The following RPS6KC1 variants were observed in gnomAD, a reference collection of about 807,000 sequenced individuals.
RPS6KC1 encodes the protein ribosomal protein S6 kinase C1, also known as inactive ribosomal protein S6 kinase delta-1.
A neutral mutation model predicts 103.8 loss-of-function variants in RPS6KC1; 54 were observed. The observed-to-expected ratio is 0.52, with a 90% CI of 0.42 to 0.65. RPS6KC1 has a LOEUF of 0.65. RPS6KC1 is among the 30% of genes least tolerant of loss of function. The pLI is 0.00. For missense variants in RPS6KC1, 1,151 were observed against 1,253.8 expected, an observed-to-expected ratio of 0.92 and a Z score of 1.24; for synonymous variants, 439 against 438.7, an observed-to-expected ratio of 1.00 and a Z score of -0.01.
the RPS6KC1 span, among the ~76,000 whole-genome samples, chr1:213,602,120 C>CTTTCTTTCTTTGTTCTT: frequency 3.9e-4 from 2 of 5,156 alleles, 1 homozygote; most frequent in Non-Finnish European, 7.5e-4. Flanking sequence ...TTCTTTCTTT[C>CTTTCTTTCTTTGTTCTT]TCTTTCTTTC....
the RPS6KC1 span, among the ~76,000 whole-genome samples, chr1:213,657,346 GT>G: frequency 2.0e-5 from 3 of 152,132 alleles, no homozygotes; most frequent in Non-Finnish European, 4.4e-5. Context: ...TTTCAAGTGT[GT>G]AAGGAACATA....
chr1:213,097,951 A>T (rs2081615829), intron 3 of RPS6KC1, among the ~76,000 whole-genome samples: 1 of 152,102 alleles, frequency 6.6e-6, no homozygotes, highest in African/African-American at 2.4e-5. Context: ...GGTTTAAGGG[A>T]ATGTTGGGGC....
chr1:213,115,660 G>A (rs1420496489), intron 4 of RPS6KC1, among the ~76,000 whole-genome samples: 4 of 151,362 alleles, frequency 2.6e-5, no homozygotes, highest in South Asian at 2.1e-4. Context: ...TGTCAATTTT[G>A]GATCTTTCCT....
chr1:213,789,645 G>T, the RPS6KC1 span, among the ~76,000 whole-genome samples: 5 of 152,234 alleles, frequency 3.3e-5, no homozygotes, highest in South Asian at 8.3e-4. Context: ...GGACAAAATT[G>T]CATCCCTTAA....
chr1:213,665,292 G>T, the RPS6KC1 span, among the ~76,000 whole-genome samples: 1 of 151,684 alleles, frequency 6.6e-6, no homozygotes, highest in Non-Finnish European at 1.5e-5. Context: ...AGACAAAGAG[G>T]TTAAGATCCT....
chr1:213,289,022 G>C, the RPS6KC1 span, among the ~76,000 whole-genome samples: 2 of 152,074 alleles, frequency 1.3e-5, no homozygotes, highest in Non-Finnish European at 2.9e-5. Context: ...AGCGCATCCT[G>C]CTCTGAACTT....
At chr1:213,260,229 C>A (rs538346733) in intron 12 of RPS6KC1, among the ~76,000 whole-genome samples, 25 of 152,246 alleles carry the variant, frequency 1.6e-4, no homozygotes, top group Non-Finnish European at 3.4e-4. Context: ...TATCTGGTTT[C>A]TTTTTACTAC....
the RPS6KC1 span, among the ~76,000 whole-genome samples, chr1:213,365,215 A>G: frequency 6.6e-6 from 1 of 152,206 alleles, no homozygotes; most frequent in East Asian, 1.9e-4. Context: ...AAACCTTTGT[A>G]TTTATCATTA....
intron 14 of RPS6KC1, among the ~76,000 whole-genome samples, chr1:213,266,894 G>T (rs924155136): frequency 6.9e-6 from 1 of 145,724 alleles, no homozygotes; most frequent in African/African-American, 2.5e-5. Context: ...CAATATTGAG[G>T]CTCCGTCTCA....
the RPS6KC1 span, among the ~76,000 whole-genome samples, chr1:213,568,160 G>T: frequency 2.6e-5 from 4 of 152,202 alleles, no homozygotes; most frequent in East Asian, 5.8e-4. Context: ...TCTGAAAAAT[G>T]ATGAGCCTTC....
At chr1:213,382,113 T>C in the RPS6KC1 span, among the ~76,000 whole-genome samples, 1 of 152,138 alleles carries the variant, frequency 6.6e-6, no homozygotes, top group Non-Finnish European at 1.5e-5. Context: ...GCTAGAACAA[T>C]ATCGCCAGCT....
At position 213,117,418 on chromosome 1, in the gene RPS6KC1, AT is replaced by A. The variant is rs1558352473; in HGVS notation, c.472+12del. The A allele has an allele frequency of 6.4e-7, 1 of 1,561,086 alleles. No homozygotes were observed. The highest frequency in any genetic ancestry group is 8.8e-7 in the Non-Finnish European group (1 of 1,139,006). The stretch of plus-strand genomic sequence containing the variant: ...CTGAGTGTAGTACGGAAGGTAAGAG[AT>A]TTTAATTTTTTTGCATTTCAAAGGT... On this transcript the variant is annotated intron_variant, in intron 5 of 14. Transcript: ENST00000366960.
chr1:213,190,354 G>A (rs930279766), intron 8 of RPS6KC1, among the ~76,000 whole-genome samples: 3 of 152,108 alleles, frequency 2.0e-5, no homozygotes, highest in Admixed American at 2.0e-4. Context: ...TTTAACTGGG[G>A]TGAGATGATG....
the RPS6KC1 span, among the ~76,000 whole-genome samples, chr1:213,284,968 A>G: frequency 3.1e-4 from 47 of 152,330 alleles, no homozygotes; most frequent in African/African-American, 1.1e-3. Context: ...ATCCAGCAAA[A>G]CTGACTTTTA....
the RPS6KC1 span, among the ~76,000 whole-genome samples, chr1:213,594,722 C>T: frequency 3.1e-3 from 469 of 152,282 alleles, 3 homozygotes; most frequent in African/African-American, 0.011. Context: ...ATGTAATCTT[C>T]AAAACAAGAT....
At chr1:213,824,094 C>T in the RPS6KC1 span, among the ~76,000 whole-genome samples, 99 of 152,284 alleles carry the variant, frequency 6.5e-4, no homozygotes, top group Admixed American at 1.1e-3. Flanking sequence ...CTGAAAATCC[C>T]ATAAAGACAA....
the RPS6KC1 span, among the ~76,000 whole-genome samples, chr1:213,280,653 ATG>A: frequency 2.0e-5 from 3 of 152,138 alleles, no homozygotes; most frequent in South Asian, 6.2e-4. Flanking sequence ...GTGAAATTAG[ATG>A]TTTGCTGAAG....
At chr1:213,753,365 G>A in the RPS6KC1 span, among the ~76,000 whole-genome samples, 1 of 152,284 alleles carries the variant, frequency 6.6e-6, no homozygotes, top group South Asian at 2.1e-4. Context: ...TACTTTCTGG[G>A]TGATGGAGTA....
At chr1:213,467,082 C>T in the RPS6KC1 span, among the ~76,000 whole-genome samples, 1 of 151,762 alleles carries the variant, frequency 6.6e-6, no homozygotes, top group Non-Finnish European at 1.5e-5. Flanking sequence ...GTGTGAAACT[C>T]CCTATTGGCA....
Sources: gnomAD v4.1 joint callset for allele counts (sites outside exome capture counted in the v4.1 genomes callset) on GRCh38, gnomAD v4.1.1 for gene constraint, MANE v1.5 for transcripts, NCBI Gene and HGNC (gene_info 2026-07-23, HGNC 2026-07-21) for gene names.